Variants in ROCK1 observed in about 807,000 individuals in gnomAD.
ROCK1 encodes the protein Rho associated coiled-coil containing protein kinase 1, also known as rho-associated protein kinase 1.
A neutral mutation model predicts 196.8 loss-of-function variants in ROCK1; 36 were observed. The ratio of observed to expected loss-of-function variants is 0.18; its 90% CI spans 0.14 to 0.24. ROCK1 has a LOEUF of 0.24. ROCK1 is among the 10% of genes least tolerant of loss of function. The probability of loss-of-function intolerance (pLI) is 1.00; values close to 1 mark genes in which losing one functional copy is unlikely to be tolerated. For synonymous variants in ROCK1, 443 were observed against 515.9 expected, an observed-to-expected ratio of 0.86 and a Z score of 1.91; for missense variants, 920 against 1,562.0, an observed-to-expected ratio of 0.59 and a Z score of 6.93.
chr18:20,952,040 T>C (rs1275786029), intron 32 of ROCK1, among the ~76,000 whole-genome samples: 3 of 152,222 alleles, frequency 2.0e-5, no homozygotes, highest in African/African-American at 7.2e-5. Context: ...TATTTACTAA[T>C]GTGTAAAATG....
At chr18:21,075,448 G>A (rs1314320997) in intron 1 of ROCK1, among the ~76,000 whole-genome samples, 2 of 152,170 alleles carry the variant, frequency 1.3e-5, no homozygotes, top group Non-Finnish European at 2.9e-5. Flanking sequence ...CACTACATCT[G>A]AGGTCCTTTG....
intron 6 of ROCK1, 100 bp downstream of exon 6, chr18:21,044,001 AG>A: frequency 8.7e-6 from 6 of 687,370 alleles, no homozygotes; most frequent in Non-Finnish European, 1.5e-5. Flanking sequence ...AGCTATGGTT[AG>A]TAAATTCTTA....
chr18:21,037,567 T>A (rs1268628786), intron 9 of ROCK1, among the ~76,000 whole-genome samples: 1 of 152,142 alleles, frequency 6.6e-6, no homozygotes, highest in Non-Finnish European at 1.5e-5. Flanking sequence ...CAATAAGTTC[T>A]ACAGATTTCA....
At chr18:21,008,536 G>A (rs1414903103) in intron 13 of ROCK1, among the ~76,000 whole-genome samples, 14 of 152,182 alleles carry the variant, frequency 9.2e-5, no homozygotes, top group African/African-American at 3.4e-4. Flanking sequence ...GCCTCCCAAA[G>A]TACTGGGATA....
At chr18:20,993,019 A>C (rs1297827591) in intron 16 of ROCK1, 82 bp from the exon 17 acceptor site, 19 of 824,504 alleles carry the variant, frequency 2.3e-5, no homozygotes, top group Admixed American at 8.0e-5. Context: ...GTTTTTAAAA[A>C]ATGTTTTTTT....
chr18:21,095,679 T>C (rs747708440), intron 1 of ROCK1, among the ~76,000 whole-genome samples: 1 of 145,994 alleles, frequency 6.8e-6, no homozygotes, highest in Non-Finnish European at 1.5e-5. Context: ...GAGACAGAGA[T>C]AGGAAGGGTA....
intron 22 of ROCK1, among the ~76,000 whole-genome samples, chr18:20,973,220 A>G (rs182231003): frequency 2.0e-3 from 310 of 152,282 alleles, no homozygotes; most frequent in Non-Finnish European, 3.4e-3. Context: ...ATATGTTTAC[A>G]TAACAATGAT....
chr18:20,974,295 T>C (rs182845887), intron 22 of ROCK1, among the ~76,000 whole-genome samples: 2 of 152,160 alleles, frequency 1.3e-5, no homozygotes, highest in South Asian at 2.1e-4. Context: ...AGGAGAGTAG[T>C]AGAGTTAGTA....
At chr18:20,996,451 T>G (rs1271995826) in intron 16 of ROCK1, among the ~76,000 whole-genome samples, 1 of 151,934 alleles carries the variant, frequency 6.6e-6, no homozygotes, top group Non-Finnish European at 1.5e-5. Context: ...TATCTAAGAG[T>G]TATTAGCCTT....
At chr18:21,014,684 T>C (rs989580290) in intron 13 of ROCK1, among the ~76,000 whole-genome samples, 2 of 152,196 alleles carry the variant, frequency 1.3e-5, no homozygotes, top group African/African-American at 4.8e-5. Flanking sequence ...TCTTCATAGA[T>C]ATCCAAAGCT....
chr18:21,070,317 ATTTT>A (rs2036373027), intron 2 of ROCK1, among the ~76,000 whole-genome samples: 1 of 152,130 alleles, frequency 6.6e-6, no homozygotes, highest in Admixed American at 6.5e-5. Context: ...TTGAATACTT[ATTTT>A]AACTATTTTT....
At chr18:20,968,001 A>AT (rs921836712) in intron 25 of ROCK1, 61 bp from the exon 26 acceptor site, 2 of 1,274,716 alleles carry the variant, frequency 1.6e-6, no homozygotes, top group African/African-American at 1.5e-5. Context: ...ACTAAAATGT[A>AT]TTTTTTTCTT....
intron 2 of ROCK1, among the ~76,000 whole-genome samples, chr18:21,065,689 CT>C (rs763622188): frequency 2.0e-4 from 30 of 152,162 alleles, no homozygotes; most frequent in Admixed American, 1.8e-3. Flanking sequence ...TTGGTATCAT[CT>C]CTCTAACTCC....
At chr18:21,062,399 C>A (rs115086484) in intron 2 of ROCK1, among the ~76,000 whole-genome samples, 1 of 152,120 alleles carries the variant, frequency 6.6e-6, no homozygotes, top group Non-Finnish European at 1.5e-5. Context: ...TAGGTTGGTG[C>A]AAAAGCAATT....
intron 18 of ROCK1, among the ~76,000 whole-genome samples, chr18:20,988,486 A>C: frequency 6.6e-6 from 1 of 151,900 alleles, no homozygotes; most frequent in East Asian, 1.9e-4. Flanking sequence ...CACTGTTCTC[A>C]CTCTTGAAAG....
rs774558598 is a variant in ROCK1 at position 20,969,205 on chromosome 18, C to T, written c.2824G>A (p.Glu942Lys). 6.4e-5 allele frequency: 102 copies of T among 1,591,802 alleles called. 3 individuals are homozygous for T. The South Asian group carries it at 9.7e-4, about 15-fold the overall frequency. ...TDKDHTVSRL[E>K]EANSMLTKDI... ...TTGGTTAGCATGCTGTTTGCTTCTT[C>T]AAGCTAAACAAAGCACACAAAAGTT... is the stretch of plus-strand genomic sequence containing the variant. The change falls in exon 24 of 33, where the codon GAA becomes AAA. Residue 942 changes from glutamate (E) to lysine (K), a missense_variant. Physicochemically the swap from Glu to Lys is moderately conservative, Grantham distance 56. This residue lies in a region of ROCK1 where 520 missense variants were observed against 657.1 expected (regional missense o/e 0.79). Coordinates refer to ENST00000399799, the MANE Select transcript of ROCK1 (RefSeq NM_005406.3).
chr18:20,979,343 C>T (rs138681316), intron 22 of ROCK1, among the ~76,000 whole-genome samples: 12 of 152,174 alleles, frequency 7.9e-5, no homozygotes, highest in African/African-American at 2.9e-4. Flanking sequence ...TTGATACTAG[C>T]CCAGGCGTGG....
chr18:21,047,650 C>T (rs1035784909), intron 4 of ROCK1, among the ~76,000 whole-genome samples: 1 of 151,978 alleles, frequency 6.6e-6, no homozygotes, highest in Non-Finnish European at 1.5e-5. Context: ...AAATAATAGC[C>T]GGGCGTGGTG....
In ROCK1 at chr18:21,044,195, G is replaced by A. The variant is rs199956369; in HGVS notation, c.591-9C>T. ...TATCAGGCTTCACATCTCTGCAGGA[G>A]GGAAAAAATAGTACAGTATTTTCTG... On this transcript the variant is annotated splice_polypyrimidine_tract_variant and intron_variant, in intron 5 of 32. Coordinates refer to ENST00000399799, the MANE Select transcript of ROCK1 (RefSeq NM_005406.3). 4 of 1,598,304 alleles carry A rather than the reference G, an allele frequency of 2.5e-6. No individual in the cohort carries two copies. The South Asian group carries it at 3.4e-5, about 13-fold the overall frequency.
Sources: allele counts gnomAD v4.1 joint callset (sites outside exome capture counted in the v4.1 genomes callset), GRCh38; gene constraint gnomAD v4.1.1; regional missense constraint gnomAD v4.1.1; transcripts MANE v1.5; gene names NCBI Gene and HGNC (gene_info 2026-07-23, HGNC 2026-07-21).